NKAIN3: variants seen among roughly 807,000 people sequenced by gnomAD.
NKAIN3 encodes the protein sodium/potassium transporting ATPase interacting 3.
Under a neutral mutation model 30.2 loss-of-function variants are expected in NKAIN3, and 25 were observed. The ratio of observed to expected loss-of-function variants is 0.83; its 90% CI spans 0.60 to 1.16. The LOEUF is 1.16. Ranked by LOEUF, NKAIN3 falls within the 50% of genes most tolerant of loss-of-function variation. NKAIN3 has a pLI of 0.00. For missense variants in NKAIN3, 225 were observed against 254.1 expected, an observed-to-expected ratio of 0.89 and a Z score of 0.78; for synonymous variants, 91 against 89.6, an observed-to-expected ratio of 1.02 and a Z score of -0.09.
chr8:62,356,252 A>T (rs1022184727), intron 1 of NKAIN3, among the ~76,000 whole-genome samples: 1 of 152,214 alleles, frequency 6.6e-6, no homozygotes, highest in Admixed American at 6.5e-5. Context: ...TCACCTGATT[A>T]TGCATGTGAT....
At chr8:62,854,448 T>C (rs1348844466) in intron 4 of NKAIN3, among the ~76,000 whole-genome samples, 4 of 152,230 alleles carry the variant, frequency 2.6e-5, no homozygotes, top group Non-Finnish European at 5.9e-5. Flanking sequence ...TGCCATTATG[T>C]AATGCCCTTT....
intron 3 of NKAIN3, among the ~76,000 whole-genome samples, chr8:62,655,682 T>C (rs57723519): frequency 0.045 from 6,870 of 152,054 alleles, 266 homozygotes; most frequent in African/African-American, 0.11. Context: ...AAAGAGCAGA[T>C]TGGTAGAGGA....
At chr8:62,708,107 A>G (rs1015715354) in intron 3 of NKAIN3, among the ~76,000 whole-genome samples, 11 of 152,142 alleles carry the variant, frequency 7.2e-5, no homozygotes, top group African/African-American at 2.7e-4. Flanking sequence ...TACTGGTACC[A>G]TACTGTTTTG....
At chr8:62,879,265 A>T (rs532659713) in intron 4 of NKAIN3, among the ~76,000 whole-genome samples, 61 of 152,294 alleles carry the variant, frequency 4.0e-4, no homozygotes, top group African/African-American at 1.4e-3. Flanking sequence ...ATGGCCAGTG[A>T]TGATGAGCAT....
chr8:62,804,725 C>G (rs1818208675), intron 4 of NKAIN3, among the ~76,000 whole-genome samples: 1 of 152,152 alleles, frequency 6.6e-6, no homozygotes, highest in South Asian at 2.1e-4. Flanking sequence ...GAAGCATTCC[C>G]TTTGAAAACT....
intron 1 of NKAIN3, among the ~76,000 whole-genome samples, chr8:62,462,660 C>T (rs1437952034): frequency 2.0e-5 from 3 of 152,126 alleles, no homozygotes; most frequent in Non-Finnish European, 4.4e-5. Flanking sequence ...CATGAGGCAA[C>T]TTGGACTAGG....
rs79371111 is a variant in NKAIN3 at position 62,784,166 on chromosome 8, C to T, written c.471+37037C>T. ...AGGTAAATTGACAGTTATAAATGGA[C>T]ATATTAGAAATGAAAAAGGTTTTCA... is the stretch of plus-strand genomic sequence containing the variant. On this transcript the variant is annotated intron_variant, in intron 4 of 6. Coordinates refer to ENST00000623646, the MANE Select transcript of NKAIN3 (RefSeq NM_001304533.3). Among the ~76,000 whole-genome samples, 218 of 151,934 alleles carry T rather than the reference C, an allele frequency of 1.4e-3. 3 individuals are homozygous for T. The East Asian group carries it at 0.04, about 28-fold the overall frequency.
intron 1 of NKAIN3, among the ~76,000 whole-genome samples, chr8:62,374,586 G>T (rs1817016952): frequency 6.6e-6 from 1 of 152,160 alleles, no homozygotes; most frequent in African/African-American, 2.4e-5. Flanking sequence ...GAGCTTCTTG[G>T]TGCAAATTGT....
intron 3 of NKAIN3, among the ~76,000 whole-genome samples, chr8:62,721,708 T>C (rs912962382): frequency 1.2e-4 from 19 of 152,186 alleles, no homozygotes. Flanking sequence ...CTAGTGAGAT[T>C]TTTCAATTTA....
intron 1 of NKAIN3, among the ~76,000 whole-genome samples, chr8:62,323,824 G>A (rs898077662): frequency 1.3e-5 from 2 of 152,092 alleles, no homozygotes; most frequent in African/African-American, 4.8e-5. Context: ...AACCTTAAGA[G>A]CATATTGCTA....
At chr8:62,585,250 G>C (rs978190064) in intron 2 of NKAIN3, among the ~76,000 whole-genome samples, 2 of 152,016 alleles carry the variant, frequency 1.3e-5, no homozygotes, top group African/African-American at 4.8e-5. Flanking sequence ...CACTATAATT[G>C]AGGAGGCCTC....
chr8:62,307,334 C>G (rs555501816), intron 1 of NKAIN3, among the ~76,000 whole-genome samples: 1 of 149,548 alleles, frequency 6.7e-6, no homozygotes, highest in South Asian at 2.1e-4. Context: ...AAACCCTGTT[C>G]CCCTTGTCTC....
intron 4 of NKAIN3, among the ~76,000 whole-genome samples, chr8:62,789,742 C>T (rs1267243190): frequency 2.0e-5 from 3 of 152,106 alleles, no homozygotes; most frequent in African/African-American, 7.2e-5. Flanking sequence ...GACACATACA[C>T]TCTCCCAAGA....
intron 5 of NKAIN3, among the ~76,000 whole-genome samples, chr8:62,946,268 G>T (rs377675676): frequency 1.3e-5 from 2 of 152,138 alleles, no homozygotes; most frequent in Non-Finnish European, 2.9e-5. Context: ...CATAAGCAAC[G>T]GTTTAAGGCA....
chr8:62,867,033 C>T (rs576817846), intron 4 of NKAIN3, among the ~76,000 whole-genome samples: 88 of 138,734 alleles, frequency 6.3e-4, no homozygotes, highest in Admixed American at 1.7e-3. Flanking sequence ...CCAGACTGGG[C>T]GACAGAGCGA....
intron 1 of NKAIN3, among the ~76,000 whole-genome samples, chr8:62,492,172 A>C (rs1807087732): frequency 6.6e-6 from 1 of 152,114 alleles, no homozygotes; most frequent in African/African-American, 2.4e-5. Context: ...AGAATGAAGA[A>C]AGAGCCGGGT....
chr8:62,253,326 A>C (rs1280584912), intron 1 of NKAIN3, among the ~76,000 whole-genome samples: 1 of 152,196 alleles, frequency 6.6e-6, no homozygotes, highest in African/African-American at 2.4e-5. Flanking sequence ...CTGTAATCCT[A>C]GCACTTTGGG....
chr8:62,858,176 G>T (rs1166158537), intron 4 of NKAIN3, among the ~76,000 whole-genome samples: 1 of 152,088 alleles, frequency 6.6e-6, no homozygotes, highest in Non-Finnish European at 1.5e-5. Context: ...GTACCTGGAG[G>T]TATCACCACC....
intron 3 of NKAIN3, among the ~76,000 whole-genome samples, chr8:62,683,232 C>A (rs1477779926): frequency 6.6e-6 from 1 of 152,086 alleles, no homozygotes; most frequent in Admixed American, 6.6e-5. Context: ...AACGGGGTTT[C>A]ACCGTGTTAA....
Sources: gnomAD v4.1 joint callset for allele counts (sites outside exome capture counted in the v4.1 genomes callset) on GRCh38, gnomAD v4.1.1 for gene constraint, MANE v1.5 for transcripts, NCBI Gene and HGNC (gene_info 2026-07-23, HGNC 2026-07-21) for gene names.